The following RPTOR variants were observed in gnomAD, a reference collection of about 807,000 sequenced individuals.
RPTOR encodes regulatory-associated protein of mTOR.
Under a neutral mutation model 169.9 loss-of-function variants are expected in RPTOR, and 21 were observed. The observed-to-expected ratio is 0.12, with a 90% CI of 0.09 to 0.18. The LOEUF (loss-of-function observed/expected upper bound fraction) is 0.18. Ranked by LOEUF, RPTOR falls within the 10% of genes least tolerant of loss-of-function variation. The pLI, the probability that RPTOR is intolerant of heterozygous loss-of-function variation, is 1.00. For synonymous variants in RPTOR, 732 were observed against 753.2 expected (o/e 0.97, Z 0.46); for missense variants, 1,133 against 1,855.9 (o/e 0.61, Z 7.16).
In RPTOR at chr17:80,908,795, CA is replaced by C. The variant is rs1289894487; in HGVS notation, c.2402-15del. On this transcript the variant is annotated splice_polypyrimidine_tract_variant and intron_variant, in intron 20 of 33. Coordinates refer to ENST00000306801, the MANE Select transcript of RPTOR (RefSeq NM_020761.3). The stretch of plus-strand genomic sequence containing the variant: ...AGCTACTTTCCACTAAAACATCTTC[CA>C]TTTCTCTCTCTCAGGAGTTTCCTTT... 6.3e-7 allele frequency: 1 copy of C among 1,587,020 alleles called. No individual in the cohort carries two copies. The highest frequency in any genetic ancestry group is 1.3e-5 in the African/African-American group (1 of 74,534).
Position 80,753,153 on chromosome 17 carries a change from A to G in RPTOR, c.655-857A>G, listed in dbSNP as rs2066645496. Reference sequence around the variant, plus strand: ...GATGGGAGGAGATAAAATCCCCCTAATCCCCCACTCGGGGATGAGTGCTCG... The same window carrying G: ...GATGGGAGGAGATAAAATCCCCCTAGTCCCCCACTCGGGGATGAGTGCTCG... On this transcript the variant is annotated intron_variant, in intron 5 of 33. Coordinates refer to ENST00000306801, the MANE Select transcript of RPTOR (RefSeq NM_020761.3). Among the ~76,000 whole-genome samples the G allele has an allele frequency of 2.0e-5, 3 of 152,230 alleles. No homozygotes were observed. The South Asian group carries it at 6.2e-4, about 32-fold the overall frequency.
chr17:80,593,559 A>G (rs754784301), intron 1 of RPTOR: 4 of 154,492 alleles, frequency 2.6e-5, no homozygotes, highest in African/African-American at 4.8e-5. Context: ...AATACTGACA[A>G]TTATTTCAAA....
chr17:80,618,127 C>T (rs772656624), intron 1 of RPTOR, among the ~76,000 whole-genome samples: 2 of 151,926 alleles, frequency 1.3e-5, no homozygotes, highest in African/African-American at 2.4e-5. Flanking sequence ...ACCATAAGTG[C>T]GTGCCACCAC....
chr17:80,938,104 T>C (rs1423050549), intron 24 of RPTOR, among the ~76,000 whole-genome samples: 2 of 152,238 alleles, frequency 1.3e-5, no homozygotes, highest in East Asian at 3.8e-4. Flanking sequence ...GAGAGGGCCC[T>C]TGCAGTGCCG....
At chr17:80,818,874 G>C (rs1342727705) in intron 7 of RPTOR, among the ~76,000 whole-genome samples, 1 of 152,184 alleles carries the variant, frequency 6.6e-6, no homozygotes, top group Non-Finnish European at 1.5e-5. Context: ...TATCTTGATG[G>C]CTTGGCCATC....
At chr17:80,737,843 A>G (rs1352823238) in intron 5 of RPTOR, among the ~76,000 whole-genome samples, 1 of 141,776 alleles carries the variant, frequency 7.1e-6, no homozygotes, top group East Asian at 2.0e-4. Flanking sequence ...CACCACCACA[A>G]TGACCAAGGA....
At chr17:80,738,252 G>A (rs1253543777) in intron 5 of RPTOR, among the ~76,000 whole-genome samples, 2 of 152,232 alleles carry the variant, frequency 1.3e-5, no homozygotes, top group East Asian at 3.9e-4. Context: ...TTTGGTTTGT[G>A]TGACATTTCA....
chr17:80,836,808 C>T lies in RPTOR; in HGVS notation c.1137-1114C>T, dbSNP rs117234969. ...AAAGTGGCGATGGTGGCTGGGGGTG[C>T]CCCATAAGGCTGTTGCCTACACCTG... On this transcript the variant is annotated intron_variant, in intron 9 of 33. Coordinates refer to ENST00000306801, the MANE Select transcript of RPTOR (RefSeq NM_020761.3). Among the ~76,000 whole-genome samples the T allele has an allele frequency of 5.9e-3, 892 of 152,254 alleles. 3 individuals carry two copies. The highest frequency in any genetic ancestry group is 9.4e-3 in the Non-Finnish European group (639 of 68,010).
Position 80,562,993 on chromosome 17 carries a change from G to A in RPTOR, c.162+17202G>A, listed in dbSNP as rs1337821810. On this transcript the variant is annotated intron_variant, in intron 1 of 33. Coordinates refer to ENST00000306801, the MANE Select transcript of RPTOR (RefSeq NM_020761.3). The surrounding 1 kb of genome is among the most constrained non-coding windows in gnomAD (Gnocchi z 4.4). Reference sequence around the variant, plus strand: ...TCATGTTGGCACATGTGGCTTCATCGGGTGGGCTACCATCCTGCATCAATA... The same window carrying A: ...TCATGTTGGCACATGTGGCTTCATCAGGTGGGCTACCATCCTGCATCAATA... Among the ~76,000 whole-genome samples the A allele has an allele frequency of 6.6e-6, 1 of 152,144 alleles. No individual in the cohort carries two copies. Among genetic ancestry groups the A allele is most frequent in the African/African-American group, 2.4e-5 (1 of 41,416 alleles).
chr17:80,910,516 T>G (rs945805725), intron 21 of RPTOR, among the ~76,000 whole-genome samples: 4 of 152,306 alleles, frequency 2.6e-5, no homozygotes, highest in African/African-American at 7.2e-5. Flanking sequence ...CTCTGTGGTG[T>G]TCTACGTCTT....
chr17:80,736,046 T>C (rs964197839), intron 5 of RPTOR, among the ~76,000 whole-genome samples: 1 of 152,052 alleles, frequency 6.6e-6, no homozygotes, highest in Non-Finnish European at 1.5e-5. Flanking sequence ...GTGGCACGCA[T>C]GTGTCATCCC....
intron 1 of RPTOR, among the ~76,000 whole-genome samples, chr17:80,591,669 G>A (rs1018172650): frequency 3.9e-5 from 6 of 152,092 alleles, no homozygotes; most frequent in South Asian, 2.1e-4. Context: ...TTCAGCCACC[G>A]TGTCCAGCCT....
At chr17:80,718,305 G>T (rs890433196) in intron 4 of RPTOR, among the ~76,000 whole-genome samples, 2 of 152,108 alleles carry the variant, frequency 1.3e-5, no homozygotes, top group African/African-American at 2.4e-5. Flanking sequence ...CCTACCCTCT[G>T]CCAAAATCAT....
Position 80,947,257 on chromosome 17 carries a change from G to A in RPTOR, c.3171G>A (p.Leu1057=). 1.2e-6 allele frequency: 2 copies of A among 1,603,692 alleles called. No homozygotes were observed. Among genetic ancestry groups the A allele is most frequent in the Non-Finnish European group, 1.7e-6 (2 of 1,175,910 alleles). ...CFWDWEKGEK[L]DYFHNGNPRY... ...GGGACTGGGAGAAAGGGGAGAAGCTGGATTATTTCCACAATGGGAACCCTC... is the reference window on the plus strand; with the variant it reads ...GGGACTGGGAGAAAGGGGAGAAGCTAGATTATTTCCACAATGGGAACCCTC... The change falls in exon 27 of 34, where the codon CTG becomes CTA. Residue 1057 remains leucine, a synonymous_variant. Coordinates refer to ENST00000306801, the MANE Select transcript of RPTOR (RefSeq NM_020761.3). The surrounding 1 kb of genome is among the most constrained non-coding windows in gnomAD (Gnocchi z 4.4).
At chr17:80,582,099 C>G (rs1456307115) in intron 1 of RPTOR, among the ~76,000 whole-genome samples, 1 of 152,202 alleles carries the variant, frequency 6.6e-6, no homozygotes, top group African/African-American at 2.4e-5. Flanking sequence ...GGACAAACAG[C>G]CTCATCTCAC....
At chr17:80,827,933 G>A (rs2067462232) in intron 9 of RPTOR, among the ~76,000 whole-genome samples, 1 of 152,232 alleles carries the variant, frequency 6.6e-6, no homozygotes, top group Non-Finnish European at 1.5e-5. Flanking sequence ...GGTGTGTGAG[G>A]ACCTGCATGG....
At chr17:80,745,899 C>T (rs1460544942) in intron 5 of RPTOR, among the ~76,000 whole-genome samples, 4 of 152,188 alleles carry the variant, frequency 2.6e-5, no homozygotes, top group Non-Finnish European at 4.4e-5. Flanking sequence ...CGGTGGCTCA[C>T]GCCTGTAATC....
intron 24 of RPTOR, among the ~76,000 whole-genome samples, chr17:80,932,607 C>CTCAAATA (rs754175483): frequency 1.5e-3 from 224 of 152,176 alleles, no homozygotes; most frequent in Non-Finnish European, 1.9e-3. Flanking sequence ...TATCTGTGAC[C>CTCAAATA]TCAAATAGCC....
chr17:80,855,417 A>T, intron 11 of RPTOR, 47 bp from the exon 12 acceptor site: 1 of 1,441,816 alleles, frequency 6.9e-7, no homozygotes, highest in Middle Eastern at 1.7e-4. Context: ...TCGGGGTTGC[A>T]CACCAGTATG....
Sources: gnomAD v4.1 joint callset for allele counts (sites outside exome capture counted in the v4.1 genomes callset) on GRCh38, gnomAD v4.1.1 for gene constraint, Gnocchi (gnomAD v3.1) non-coding constraint, MANE v1.5 for transcripts, NCBI Gene and HGNC (gene_info 2026-07-23, HGNC 2026-07-21) for gene names.